The following ZNF517 variants were observed in gnomAD, a reference collection of about 807,000 sequenced individuals.
The protein encoded by ZNF517 is zinc finger protein 517.
A neutral mutation model predicts 12.1 loss-of-function variants in ZNF517; 12 were observed. The ratio of observed to expected loss-of-function variants is 0.99; its 90% confidence interval spans 0.63 to 1.61. The LOEUF (loss-of-function observed/expected upper bound fraction) is 1.61. ZNF517 is among the 40% of genes most tolerant of loss of function. The pLI, the probability that ZNF517 is intolerant of heterozygous loss-of-function variation, is 0.00. For missense variants in ZNF517, 781 were observed against 693.2 expected (o/e 1.13, Z -1.42); for synonymous variants, 388 against 310.2 (o/e 1.25, Z -2.63).
At position 144,804,040 on chromosome 8, in the gene ZNF517, G is replaced by C. The variant is rs1827102690; in HGVS notation, c.161-85G>C. 11 of 1,360,054 alleles carry C rather than the reference G, an allele frequency of 8.1e-6. No homozygotes were observed. The South Asian group carries it at 1.0e-4, about 13-fold the overall frequency. The allele number at this position is 1,360,054 out of a possible 1,614,324, so 84.2% of individuals were successfully genotyped here. ...GTTCCTGACCCACTCCAAGCACTCT[G>C]TGCCCTGATGGCCTCCAGCCAGGCA... On this transcript the variant is annotated intron_variant, in intron 3 of 4. Coordinates refer to ENST00000359971, the MANE Select transcript of ZNF517 (RefSeq NM_213605.3).
intron 2 of ZNF517, 113 bp downstream of exon 2, chr8:144,803,060 T>G: frequency 7.2e-7 from 1 of 1,392,390 alleles, no homozygotes; most frequent in Non-Finnish European, 9.9e-7. Flanking sequence ...CATCACAGGA[T>G]GGAGTCTGCA....
At chr8:144,806,089 C>T (rs903963166) in intron 4 of ZNF517, among the ~76,000 whole-genome samples, 15 of 152,214 alleles carry the variant, frequency 9.9e-5, no homozygotes, top group Non-Finnish European at 7.3e-5. Context: ...TGCCTTGGCA[C>T]TTGGGAGGCT....
downstream of ZNF517, among the ~76,000 whole-genome samples, chr8:144,812,507 G>A (rs1167969295): frequency 6.6e-6 from 1 of 151,962 alleles, no homozygotes; most frequent in African/African-American, 2.4e-5. Flanking sequence ...GGGTGGGAGA[G>A]AGACGGACAG....
downstream of ZNF517, chr8:144,810,549 G>A (rs900676527): frequency 1.8e-5 from 5 of 282,532 alleles, no homozygotes; most frequent in African/African-American, 8.7e-5. Flanking sequence ...CATGGAGCTC[G>A]GAAGTCTGGG....
rs2979086 is a variant in ZNF517, at chr8:144,804,213, C to T, written c.249C>T (p.Ser83=). 1.3e-3 allele frequency: 2,150 copies of T among 1,613,864 alleles called. 33 individuals carry two copies. In the African/African-American group the frequency reaches 0.025, roughly 19 times the overall value. ...TGATTCTGCAGGTGGCTGAACAGAG[C>T]GTGGCCAAAGCCAGCCTGTGCACAG... The part of the protein sequence containing the change: ...GALILQVAEQ[S]VAKASLCTDS... The change falls in exon 4 of 5, where the codon AGC becomes AGT. Residue 83 remains serine (S), a synonymous_variant. Transcript: ENST00000359971.
rs756498774 is a variant in ZNF517, at chr8:144,807,652, A to C, written c.736A>C (p.Thr246Pro). ...GECGKAFRQS[T>P]QLAAHHRVHT... ...GTGCGGGAAGGCCTTCCGGCAGAGC[A>C]CGCAGCTGGCTGCCCACCACCGCGT... The change falls in exon 5 of 5, where the codon ACG becomes CCG. Residue 246 changes from threonine to proline, a missense_variant. Coordinates refer to ENST00000359971, the MANE Select transcript of ZNF517 (RefSeq NM_213605.3). 8.1e-6 allele frequency: 13 copies of C among 1,606,612 alleles called. No homozygotes were observed. In the South Asian group the frequency reaches 1.4e-4, roughly 18 times the overall value.
chr8:144,810,178 A>G (rs538244879), downstream of ZNF517: 226 of 699,094 alleles, frequency 3.2e-4, 1 homozygote, highest in African/African-American at 3.3e-3. Flanking sequence ...CCAGGAGAGA[A>G]GGGTGTGGCC....
intron 3 of ZNF517, 97 bp from the exon 4 acceptor site, chr8:144,804,028 T>C: frequency 7.8e-7 from 1 of 1,278,792 alleles, no homozygotes; most frequent in Non-Finnish European, 1.1e-6. Flanking sequence ...CCTGACCCAC[T>C]CCAAGCACTC....
At position 144,807,719 on chromosome 8, in the gene ZNF517, A is replaced by G; in HGVS notation, c.803A>G (p.Lys268Arg). The G allele has an allele frequency of 6.2e-7, 1 of 1,611,920 alleles. No homozygotes were observed. Among genetic ancestry groups the G allele is most frequent in the Non-Finnish European group, 8.5e-7 (1 of 1,179,494 alleles). The change falls in exon 5 of 5, where the codon AAG becomes AGG. Residue 268 changes from lysine (K) to arginine (R), a missense_variant. Physicochemically the swap from Lys to Arg is conservative, Grantham distance 26. Transcript: ENST00000359971. ...ERPYACGECG[K>R]AFSRSSRLLQ... ...CCCTACGCATGCGGCGAGTGCGGCA[A>G]GGCCTTCAGCCGCAGCTCCCGGCTG...
downstream of ZNF517, among the ~76,000 whole-genome samples, chr8:144,813,172 C>G (rs1013955979): frequency 5.9e-5 from 9 of 151,772 alleles, no homozygotes; most frequent in Non-Finnish European, 1.2e-4. Context: ...AAAAATTAGC[C>G]GGGCCTGGTG....
chr8:144,799,298 C>T (rs1826824886), intron 1 of ZNF517, among the ~76,000 whole-genome samples: 1 of 152,220 alleles, frequency 6.6e-6, no homozygotes, highest in Non-Finnish European at 1.5e-5. Flanking sequence ...CTCTTCCCGG[C>T]AGCCTCGCTC....
chr8:144,809,002 C>G lies in ZNF517; in HGVS notation c.*607C>G, dbSNP rs901537413. 4 of 151,848 alleles carry G rather than the reference C, an allele frequency of 2.6e-5. No homozygotes were observed. Among genetic ancestry groups the G allele is most frequent in the African/African-American group, 7.3e-5 (3 of 41,296 alleles). The allele number at this position is 151,848 out of a possible 1,614,324, so 9.4% of individuals were successfully genotyped here. The stretch of plus-strand genomic sequence containing the variant: ...AAAAATTTAAAAATAAGTCAGGTAT[C>G]GTGGTCTGTGCCTGTACGCTGTAGT... On this transcript the variant is annotated 3_prime_UTR_variant, in exon 5 of 5. Transcript: ENST00000359971.
intron 4 of ZNF517, among the ~76,000 whole-genome samples, chr8:144,806,578 G>GCCA (rs1827233816): frequency 6.6e-6 from 1 of 152,066 alleles, no homozygotes; most frequent in African/African-American, 2.4e-5. Flanking sequence ...TCCGCTTCTT[G>GCCA]GGTTCAAGCG....
At chr8:144,805,872 G>T (rs1275179069) in intron 4 of ZNF517, among the ~76,000 whole-genome samples, 2 of 152,016 alleles carry the variant, frequency 1.3e-5, no homozygotes, top group Admixed American at 6.6e-5. Context: ...CGCCGCCTCG[G>T]CCTCCCAGAG....
chr8:144,808,144 A>C lies in ZNF517; in HGVS notation c.1228A>C (p.Asn410His), dbSNP rs1227006156. Residue 410 changes from asparagine (N) to histidine (H), a missense_variant, in exon 5 of 5, where the codon AAC (asparagine) becomes CAC (histidine). By Grantham distance (68) the Asn-to-His change is moderately conservative. Coordinates refer to ENST00000359971, the MANE Select transcript of ZNF517 (RefSeq NM_213605.3). The stretch of plus-strand genomic sequence containing the variant: ...CGGCAAGGCCTTCGGTCGCAAGTCC[A>C]ACCTCACTCTGCACCAGAAGATCCA... ...ECGKAFGRKS[N>H]LTLHQKIHTK... 6 of 1,607,876 alleles carry C rather than the reference A, an allele frequency of 3.7e-6. No individual in the cohort carries two copies. Among genetic ancestry groups the C allele is most frequent in the South Asian group, 2.2e-5 (2 of 90,422 alleles).
Position 144,804,805 on chromosome 8 carries a change from GGAGA to G in ZNF517, c.274+574_274+577del, listed in dbSNP as rs1183620609. ...TCCTTCCCTGTTTGACAGCCGAGGC[GGAGA>G]GAGAGACAGGACAGCTTACGCCATT... On this transcript the variant is annotated intron_variant, in intron 4 of 4. Transcript: ENST00000359971. Among the ~76,000 whole-genome samples, 4 of 152,316 alleles carry G rather than the reference GGAGA, an allele frequency of 2.6e-5. No individual in the cohort carries two copies. The South Asian group carries it at 6.2e-4, about 24-fold the overall frequency.
intron 4 of ZNF517, among the ~76,000 whole-genome samples, chr8:144,804,909 G>A (rs1827145727): frequency 6.6e-6 from 1 of 152,222 alleles, no homozygotes; most frequent in South Asian, 2.1e-4. Context: ...GCAGAGCCAG[G>A]TGTACAGGGT....
intron 1 of ZNF517, chr8:144,800,543 C>T (rs1826905967): frequency 2.0e-6 from 2 of 985,316 alleles, no homozygotes; most frequent in African/African-American, 1.7e-5. Context: ...GCCTCATACC[C>T]TGAGATACTC....
chr8:144,812,918 A>C (rs185684094), downstream of ZNF517, among the ~76,000 whole-genome samples: 2 of 152,320 alleles, frequency 1.3e-5, no homozygotes, highest in Admixed American at 1.3e-4. Context: ...CAAAATTAAC[A>C]TACAAAACCC....
Sources: allele counts gnomAD v4.1 joint callset (sites outside exome capture counted in the v4.1 genomes callset), GRCh38; gene constraint gnomAD v4.1.1; transcripts MANE v1.5; gene names NCBI Gene and HGNC (gene_info 2026-07-23, HGNC 2026-07-21).